Variants in FRMD4A observed in about 807,000 individuals in gnomAD.
FRMD4A encodes FERM domain-containing protein 4A.
FRMD4A carries 29 observed loss-of-function variants against 129.1 expected under a neutral mutation model. That is an observed-to-expected ratio of 0.22 (90% CI 0.17 to 0.31). The LOEUF is 0.31. FRMD4A is among the 10% of genes least tolerant of loss of function. FRMD4A has a pLI of 1.00. For synonymous variants in FRMD4A, 634 were observed against 571.6 expected (o/e 1.11, Z -1.56); for missense variants, 1,272 against 1,375.8 (o/e 0.92, Z 1.19).
At chr10:13,843,549 G>T (rs978776271) in intron 3 of FRMD4A, among the ~76,000 whole-genome samples, 1 of 152,182 alleles carries the variant, frequency 6.6e-6, no homozygotes, top group African/African-American at 2.4e-5. Flanking sequence ...CCAGGCTGGA[G>T]TTCAGTGGCA....
intron 2 of FRMD4A, among the ~76,000 whole-genome samples, chr10:14,285,368 G>C (rs903743689): frequency 3.9e-5 from 6 of 152,226 alleles, no homozygotes; most frequent in African/African-American, 7.2e-5. Flanking sequence ...AAAGATGCAG[G>C]TGAAAAACAC....
chr10:13,674,973 C>A lies in FRMD4A; in HGVS notation c.1189G>T (p.Ala397Ser), dbSNP rs2083850435. Residue 397 changes from alanine (A) to serine (S), a missense_variant, in exon 16 of 25, where the codon GCT (alanine) becomes TCT (serine). Physicochemically the swap from Ala to Ser is moderately conservative, Grantham distance 99. Transcript: ENST00000357447. ...MLAALKSRQE[A>S]LEETLRQRLE... ...CTCTGACGCAGGGTTTCCTCCAGAG[C>A]TTCCTGCCTGGACTTCAAGGCAGCC... The A allele has an allele frequency of 2.5e-6, 4 of 1,613,720 alleles. No individual in the cohort carries two copies. The highest frequency in any genetic ancestry group is 2.5e-6 in the Non-Finnish European group (3 of 1,179,626).
intron 15 of FRMD4A, among the ~76,000 whole-genome samples, chr10:13,687,710 G>A (rs1348633762): frequency 6.6e-6 from 1 of 152,204 alleles, no homozygotes; most frequent in East Asian, 1.9e-4. Context: ...AAATGTGGAA[G>A]CAATCACTGG....
intron 2 of FRMD4A, among the ~76,000 whole-genome samples, chr10:13,895,924 G>A (rs556438574): frequency 7.2e-5 from 11 of 152,204 alleles, no homozygotes; most frequent in African/African-American, 1.2e-4. Flanking sequence ...AAAAAATCTC[G>A]TCATCACTGG....
chr10:14,067,672 C>G (rs922128921), intron 2 of FRMD4A, among the ~76,000 whole-genome samples: 1 of 152,122 alleles, frequency 6.6e-6, no homozygotes, highest in Non-Finnish European at 1.5e-5. Context: ...CAAAACTTAG[C>G]TGGGCGTGGT....
At chr10:14,327,349 C>T (rs530303895) in intron 2 of FRMD4A, among the ~76,000 whole-genome samples, 12 of 152,316 alleles carry the variant, frequency 7.9e-5, no homozygotes, top group South Asian at 6.2e-4. Context: ...AGAGACATAA[C>T]GCTAAATAAA....
intron 12 of FRMD4A, among the ~76,000 whole-genome samples, chr10:13,734,559 A>G (rs2090512197): frequency 6.6e-6 from 1 of 151,930 alleles, no homozygotes; most frequent in African/African-American, 2.4e-5. Context: ...TCTCCCCTGC[A>G]TGCCTCCCCG....
chr10:13,990,430 G>C (rs1453620947), intron 2 of FRMD4A, among the ~76,000 whole-genome samples: 4 of 152,158 alleles, frequency 2.6e-5, no homozygotes. Context: ...GGCCTGTCTT[G>C]TCTGTTGGGC....
chr10:13,840,749 C>T (rs1309837122), intron 3 of FRMD4A, among the ~76,000 whole-genome samples: 3 of 141,016 alleles, frequency 2.1e-5, no homozygotes, highest in Non-Finnish European at 4.5e-5. Flanking sequence ...GATTGCACCA[C>T]TGCACTCCAG....
chr10:14,094,446 A>G (rs148160457), intron 2 of FRMD4A, among the ~76,000 whole-genome samples: 37 of 152,138 alleles, frequency 2.4e-4, no homozygotes, highest in African/African-American at 8.9e-4. Flanking sequence ...CTGCTTCCCA[A>G]CCCTGGTGTG....
intron 15 of FRMD4A, 62 bp from the exon 16 acceptor site, chr10:13,675,106 T>G: frequency 6.9e-7 from 1 of 1,453,404 alleles, no homozygotes; most frequent in Non-Finnish European, 9.6e-7. Flanking sequence ...GGACCACTAA[T>G]GAATTTAACT....
At chr10:14,033,556 G>T (rs566001419) in intron 2 of FRMD4A, among the ~76,000 whole-genome samples, 1 of 152,172 alleles carries the variant, frequency 6.6e-6, no homozygotes, top group African/African-American at 2.4e-5. Context: ...AGGCTGAGGC[G>T]AGTGGATCAC....
intron 3 of FRMD4A, among the ~76,000 whole-genome samples, chr10:13,842,686 T>C (rs1202182047): frequency 6.6e-6 from 1 of 152,092 alleles, no homozygotes; most frequent in African/African-American, 2.4e-5. Flanking sequence ...AGCGGCAAAA[T>C]GAGAAAAATA....
chr10:13,658,506 C>CCT, intron 21 of FRMD4A, among the ~76,000 whole-genome samples: 1 of 152,348 alleles, frequency 6.6e-6, no homozygotes, highest in East Asian at 1.9e-4. Flanking sequence ...AGAGGCGAGT[C>CCT]CCACTTCCGA....
intron 14 of FRMD4A, among the ~76,000 whole-genome samples, chr10:13,694,693 T>G (rs1363382110): frequency 2.0e-5 from 3 of 152,072 alleles, no homozygotes; most frequent in African/African-American, 7.2e-5. Flanking sequence ...TACAAAAAAA[T>G]TAGCCAGGTG....
chr10:14,030,862 G>A (rs185071120), intron 2 of FRMD4A, among the ~76,000 whole-genome samples: 2 of 152,218 alleles, frequency 1.3e-5, no homozygotes, highest in Admixed American at 1.3e-4. Flanking sequence ...TCTCCAATGA[G>A]TACAAAGCCT....
intron 2 of FRMD4A, among the ~76,000 whole-genome samples, chr10:14,038,959 T>C (rs1368726766): frequency 6.6e-6 from 1 of 152,192 alleles, no homozygotes; most frequent in Non-Finnish European, 1.5e-5. Context: ...TTCTTGAGCA[T>C]TTTTGAAAGG....
rs566633202 is a variant in FRMD4A at position 14,178,065 on chromosome 10, A to G, written c.45+151993T>C. On this transcript the variant is annotated intron_variant, in intron 2 of 24. Transcript: ENST00000357447. ...ACACAATTCCCTTACCCCCTGCCCT[A>G]CGAGGGAAGTACTATTCTTACTGCT... Among the ~76,000 whole-genome samples, 3 of 152,314 alleles carry G rather than the reference A, an allele frequency of 2.0e-5. No homozygotes were observed. The East Asian group carries it at 5.8e-4, about 29-fold the overall frequency.
chr10:14,186,679 C>G (rs1842155507), intron 2 of FRMD4A, among the ~76,000 whole-genome samples: 1 of 152,146 alleles, frequency 6.6e-6, no homozygotes, highest in Non-Finnish European at 1.5e-5. Context: ...TCTTACCTAT[C>G]TTCATATCCT....
Sources: gnomAD v4.1 joint callset for allele counts (sites outside exome capture counted in the v4.1 genomes callset) on GRCh38, gnomAD v4.1.1 for gene constraint, MANE v1.5 for transcripts, NCBI Gene and HGNC (gene_info 2026-07-23, HGNC 2026-07-21) for gene names.